Variants in DAB1 observed in about 807,000 individuals in gnomAD.
The protein encoded by DAB1 is disabled homolog 1.
In DAB1, 15 loss-of-function variants were observed where a neutral mutation model predicts 64.6. The ratio of observed to expected loss-of-function variants is 0.23; its 90% CI spans 0.16 to 0.36. The LOEUF is 0.36. DAB1 is among the 10% of genes least tolerant of loss of function. DAB1 has a pLI of 1.00. For missense variants in DAB1, 596 were observed against 706.7 expected (o/e 0.84, Z 1.78); for synonymous variants, 235 against 251.9 (o/e 0.93, Z 0.64).
At chr1:57,929,418 C>A (rs925923017) in intron 5 of DAB1, among the ~76,000 whole-genome samples, 2 of 152,154 alleles carry the variant, frequency 1.3e-5, no homozygotes, top group South Asian at 2.1e-4. Context: ...TCACAAGTGT[C>A]TTTCACAGAG....
At chr1:58,374,833 G>C (rs900512548) in intron 3 of DAB1, among the ~76,000 whole-genome samples, 1 of 137,528 alleles carries the variant, frequency 7.3e-6, no homozygotes, top group African/African-American at 2.8e-5. Flanking sequence ...TCTTCCATTT[G>C]TTTGTATCCT....
chr1:58,313,879 G>T (rs1662489817), intron 4 of DAB1, among the ~76,000 whole-genome samples: 1 of 150,408 alleles, frequency 6.6e-6, no homozygotes, highest in Non-Finnish European at 1.5e-5. Flanking sequence ...GAGAGAGAGA[G>T]ATAAAGGCAC....
intron 6 of DAB1, among the ~76,000 whole-genome samples, chr1:57,672,631 G>A (rs369096232): frequency 6.6e-6 from 1 of 152,066 alleles, no homozygotes; most frequent in Non-Finnish European, 1.5e-5. Context: ...TTAAAATCAG[G>A]TTTTATCCTT....
At chr1:57,943,689 G>A (rs1177454788) in intron 5 of DAB1, among the ~76,000 whole-genome samples, 1 of 152,136 alleles carries the variant, frequency 6.6e-6, no homozygotes, top group Non-Finnish European at 1.5e-5. Context: ...GCCATAAATT[G>A]CAGAATGAGA....
intron 4 of DAB1, among the ~76,000 whole-genome samples, chr1:57,078,994 G>A (rs939193949): frequency 1.3e-5 from 2 of 152,100 alleles, no homozygotes; most frequent in Non-Finnish European, 2.9e-5. Flanking sequence ...ATAGCAAGCA[G>A]TACCGAAAAA....
chr1:57,488,741 T>A (rs1372691960), intron 7 of DAB1, among the ~76,000 whole-genome samples: 2 of 152,092 alleles, frequency 1.3e-5, no homozygotes, highest in Non-Finnish European at 2.9e-5. Flanking sequence ...CACTGCCAGA[T>A]AACATAAGAG....
At chr1:57,760,179 G>A (rs1649009098) in intron 6 of DAB1, among the ~76,000 whole-genome samples, 1 of 152,074 alleles carries the variant, frequency 6.6e-6, no homozygotes, top group African/African-American at 2.4e-5. Context: ...GGCTGCACTT[G>A]TCACTTATGC....
At chr1:57,300,940 A>AT (rs920432942) in intron 1 of DAB1, among the ~76,000 whole-genome samples, 62 of 152,138 alleles carry the variant, frequency 4.1e-4, no homozygotes, top group African/African-American at 1.1e-3. Context: ...CAGGGGAGCA[A>AT]TTGATACAGT....
intron 7 of DAB1, among the ~76,000 whole-genome samples, chr1:57,624,012 T>A (rs1645892816): frequency 6.6e-6 from 1 of 152,210 alleles, no homozygotes; most frequent in Non-Finnish European, 1.5e-5. Flanking sequence ...TGCCTTATTG[T>A]GGCATCTGAA....
chr1:58,281,677 T>C (rs1302812393), intron 4 of DAB1, among the ~76,000 whole-genome samples: 6 of 152,186 alleles, frequency 3.9e-5, no homozygotes, highest in Non-Finnish European at 8.8e-5. Context: ...CAAGTCCTCA[T>C]TTACCTAGAC....
intron 2 of DAB1, among the ~76,000 whole-genome samples, chr1:57,155,651 T>C (rs1227350405): frequency 6.6e-6 from 1 of 152,018 alleles, no homozygotes; most frequent in Non-Finnish European, 1.5e-5. Context: ...ATTTTAATAA[T>C]ATTGATTCTT....
intron 5 of DAB1, among the ~76,000 whole-genome samples, chr1:57,997,813 G>T (rs571782204): frequency 3.3e-5 from 5 of 151,952 alleles, no homozygotes; most frequent in Non-Finnish European, 5.9e-5. Context: ...GAAAGGTGAA[G>T]TTCATTGGTC....
intron 3 of DAB1, among the ~76,000 whole-genome samples, chr1:58,426,010 C>T (rs1330013175): frequency 6.6e-6 from 1 of 152,066 alleles, no homozygotes; most frequent in African/African-American, 2.4e-5. Context: ...AAGGGGAGAG[C>T]CCTTACAGGG....
rs566272847 is a variant in DAB1 at position 58,508,397 on chromosome 1, C to T, written n.108-2188G>A. 3.1e-4 allele frequency among the ~76,000 whole-genome samples: 47 copies of T among 152,238 alleles called. No homozygotes were observed. In the South Asian group the frequency reaches 5.2e-3, roughly 17 times the overall value. On this transcript the variant is annotated intron_variant and non_coding_transcript_variant, in intron 2 of 20. Transcript: ENST00000485760. ...TCCCCACATGAACACACTGATTCAA[C>T]GATAATATACGAATTCCCTTTGTGA...
intron 7 of DAB1, among the ~76,000 whole-genome samples, chr1:57,627,656 TAATTGAA>T (rs1290795505): frequency 6.6e-6 from 1 of 152,386 alleles, no homozygotes; most frequent in Non-Finnish European, 1.5e-5. Context: ...TGAATATTTT[TAATTGAA>T]AATTGAAAAG....
chr1:57,123,848 C>T (rs2100760177), intron 4 of DAB1, among the ~76,000 whole-genome samples: 1 of 152,086 alleles, frequency 6.6e-6, no homozygotes, highest in Admixed American at 6.5e-5. Flanking sequence ...TTTATGTAAA[C>T]AAGAATGGTG....
At chr1:57,480,521 G>A (rs923177722) in intron 7 of DAB1, among the ~76,000 whole-genome samples, 4 of 150,410 alleles carry the variant, frequency 2.7e-5, no homozygotes, top group Non-Finnish European at 5.9e-5. Context: ...GTCTCGCTCT[G>A]TCACCCAGGC....
intron 6 of DAB1, among the ~76,000 whole-genome samples, chr1:57,658,323 T>TTTTA (rs1646342215): frequency 6.7e-6 from 1 of 149,524 alleles, no homozygotes; most frequent in Admixed American, 6.6e-5. Flanking sequence ...TTTTTTTTTT[T>TTTTA]GAGATGGAGT....
chr1:58,497,276 G>C (rs558210126), intron 3 of DAB1, among the ~76,000 whole-genome samples: 1 of 152,218 alleles, frequency 6.6e-6, no homozygotes, highest in South Asian at 2.1e-4. Context: ...GGACTTTAGG[G>C]ACGTAAGGAC....
Sources: allele counts gnomAD v4.1 joint callset (sites outside exome capture counted in the v4.1 genomes callset), GRCh38; gene constraint gnomAD v4.1.1; transcripts MANE v1.5; gene names NCBI Gene and HGNC (gene_info 2026-07-23, HGNC 2026-07-21).